Variants in ZMYM6 observed in about 807,000 individuals in gnomAD.
The protein encoded by ZMYM6 is zinc finger MYM-type containing 6, also known as zinc finger MYM-type protein 6.
ZMYM6 carries 90 observed loss-of-function variants against 134.0 expected under a neutral mutation model. The observed-to-expected ratio is 0.67, with a 90% CI of 0.57 to 0.80. The LOEUF (loss-of-function observed/expected upper bound fraction) is 0.80, where lower values mean the gene tolerates loss of function less well. Among genes scored for constraint, ZMYM6 ranks in the 30% least tolerant of loss-of-function variants. The probability of loss-of-function intolerance (pLI) is 0.00; values close to 1 mark genes in which losing one functional copy is unlikely to be tolerated. For missense variants in ZMYM6, 1,362 were observed against 1,533.9 expected, an observed-to-expected ratio of 0.89 and a Z score of 1.87; for synonymous variants, 481 against 524.1, an observed-to-expected ratio of 0.92 and a Z score of 1.12.
In ZMYM6 at chr1:35,015,096, G is replaced by C. The variant is rs1641157120; in HGVS notation, c.495C>G (p.Phe165Leu). 1 of 1,613,796 alleles carries C rather than the reference G, an allele frequency of 6.2e-7. No individual in the cohort carries two copies. Among genetic ancestry groups the C allele is most frequent in the African/African-American group, 1.3e-5 (1 of 74,910 alleles). The change falls in exon 5 of 16, where the codon TTC becomes TTG. Residue 165 changes from phenylalanine (F) to leucine (L), a missense_variant. Phe to Leu is a conservative substitution (Grantham distance 22). Coordinates refer to ENST00000357182, the MANE Select transcript of ZMYM6 (RefSeq NM_007167.4). ...AAGATGACAAGCATGATTGGCTGCA[G>C]AAATCTTTGCTAGGATAGGAATTCT... ...RFENSYPSKD[F>L]CSQSCLSSYE...
intron 3 of ZMYM6, 95 bp from the exon 4 acceptor site, chr1:35,019,697 CA>C: frequency 6.5e-6 from 9 of 1,391,160 alleles, no homozygotes; most frequent in East Asian, 2.5e-5. Context: ...TTTTCTGAGA[CA>C]CGGTCTCACT....
intron 14 of ZMYM6, among the ~76,000 whole-genome samples, chr1:34,998,892 C>A (rs1188257609): frequency 1.3e-5 from 2 of 152,036 alleles, no homozygotes; most frequent in South Asian, 2.1e-4. Context: ...GAGGCTGAGG[C>A]GGGAGGATGG....
rs759678061 is a variant in ZMYM6 at position 35,014,987 on chromosome 1, C to T, written c.603+1G>A. ...CCCAATAAAAGTAAAATGTAACTTA[C>T]ATCAGCATTCTTCTGACACATACTG... On this transcript the variant is annotated splice_donor_variant, in intron 5 of 15. Coordinates refer to ENST00000357182, the MANE Select transcript of ZMYM6 (RefSeq NM_007167.4). LOFTEE classifies it high-confidence loss of function. The T allele has an allele frequency of 1.2e-6, 2 of 1,610,426 alleles. No individual in the cohort carries two copies. Among genetic ancestry groups the T allele is most frequent in the Admixed American group, 1.7e-5 (1 of 58,554 alleles).
At chr1:35,025,803 T>TA (rs1477606760) in intron 2 of ZMYM6, among the ~76,000 whole-genome samples, 1 of 152,188 alleles carries the variant, frequency 6.6e-6, no homozygotes, top group Non-Finnish European at 1.5e-5. Flanking sequence ...AACCATTTAT[T>TA]AATTATGTGA....
intron 13 of ZMYM6, 116 bp from the exon 14 acceptor site, chr1:35,004,121 AG>A: frequency 1.2e-6 from 1 of 857,862 alleles, no homozygotes; most frequent in Non-Finnish European, 1.8e-6. Flanking sequence ...AGAGTTTCTC[AG>A]AAAAATGGTA....
rs1159029041 is a variant in ZMYM6, at chr1:34,987,508, C to G, written c.3574G>C (p.Glu1192Gln). ...DITRIIFEHL[E>Q]GLSQVFSDCF... is the part of the protein sequence containing the mutation. ...TCACTGAACACTTGAGAAAGTCCTTCCAGGTGCTCAAAAATAATCCTTGTG... is the reference window on the plus strand; with the variant it reads ...TCACTGAACACTTGAGAAAGTCCTTGCAGGTGCTCAAAAATAATCCTTGTG... The change falls in exon 16 of 16, where the codon GAA (glutamate) becomes CAA (glutamine). Residue 1192 changes from glutamate (E) to glutamine (Q), a missense_variant. By Grantham distance (29) the Glu-to-Gln change is conservative. This residue lies in a region of ZMYM6 where 824 missense variants were observed against 940.9 expected (regional missense o/e 0.88). Transcript: ENST00000357182. 5.0e-6 allele frequency: 8 copies of G among 1,612,964 alleles called. No homozygotes were observed. The highest frequency in any genetic ancestry group is 6.8e-6 in the Non-Finnish European group (8 of 1,179,484).
At position 35,024,069 on chromosome 1, in the gene ZMYM6, C is replaced by A. The variant is rs142458205; in HGVS notation, c.94-3602G>T. ...TCACGAGTCCCAACTCCACATCTTTCCTGCTCATTGATGTTTCAATTGCAC... is the reference window on the plus strand; with the variant it reads ...TCACGAGTCCCAACTCCACATCTTTACTGCTCATTGATGTTTCAATTGCAC... On this transcript the variant is annotated intron_variant, in intron 2 of 15. Coordinates refer to ENST00000357182, the MANE Select transcript of ZMYM6 (RefSeq NM_007167.4). Among the ~76,000 whole-genome samples, 148 of 152,254 alleles carry A rather than the reference C, an allele frequency of 9.7e-4. 1 individual carries two copies. Among genetic ancestry groups the A allele is most frequent in the East Asian group, 8.9e-3 (46 of 5,184 alleles).
Position 34,987,909 on chromosome 1 carries a change from C to A in ZMYM6, c.3173G>T (p.Gly1058Val). The A allele has an allele frequency of 6.4e-7, 1 of 1,551,666 alleles. No homozygotes were observed. The highest frequency in any genetic ancestry group is 8.7e-7 in the Non-Finnish European group (1 of 1,146,978). ...RMLTILCEEM[G>V]SEHVSLPLHA... ...AAGCGGTAAACTCACATGCTCAGAT[C>A]CCATCTCTTCACACAAAATTGTTAA... Residue 1058 changes from glycine to valine, a missense_variant, in exon 16 of 16, where the codon GGA (glycine) becomes GTA (valine). Around this residue, in one of 3 missense-constraint regions of ZMYM6, gnomAD observed 824 missense variants for 940.9 expected, o/e 0.88. Coordinates refer to ENST00000357182, the MANE Select transcript of ZMYM6 (RefSeq NM_007167.4).
At chr1:35,013,264 T>A in intron 6 of ZMYM6, 1 of 804,548 alleles carries the variant, frequency 1.2e-6, no homozygotes, top group Non-Finnish European at 1.5e-6. Context: ...AAGTTTAAAT[T>A]AACAGATGAG....
Position 35,010,805 on chromosome 1 carries a change from G to A in ZMYM6, c.1294C>T (p.His432Tyr). Residue 432 changes from histidine to tyrosine, a missense_variant, in exon 9 of 16, where the codon CAC (histidine) becomes TAC (tyrosine). Coordinates refer to ENST00000357182, the MANE Select transcript of ZMYM6 (RefSeq NM_007167.4). ...THTVVKLKCQ[H>Y]CNHLFATKPE... ...TTTGTGGCAAATAGATGGTTACAGT[G>A]CTGACACTTGAGTTTAACAACTGTA... is the stretch of plus-strand genomic sequence containing the variant. 1 of 1,599,674 alleles carries A rather than the reference G, an allele frequency of 6.3e-7. No homozygotes were observed.
intron 14 of ZMYM6, 25 bp from the exon 15 acceptor site, chr1:34,992,412 CAAAG>C: frequency 6.2e-7 from 1 of 1,604,120 alleles, no homozygotes; most frequent in Non-Finnish European, 8.5e-7. Flanking sequence ...ATTCAGAAAC[CAAAG>C]AAAGATTTTT....
In ZMYM6 at chr1:35,023,183, C is replaced by T. The variant is rs139919950; in HGVS notation, c.94-2716G>A. 6.0e-3 allele frequency among the ~76,000 whole-genome samples: 912 copies of T among 152,102 alleles called. 7 individuals carry two copies. The highest frequency in any genetic ancestry group is 0.021 in the African/African-American group (854 of 41,508). ...GAGTGCAATGGCGGATCTCAGCTCA[C>T]CACAACCTCCACCTCCAGGGTTCAA... On this transcript the variant is annotated intron_variant, in intron 2 of 15. Coordinates refer to ENST00000357182, the MANE Select transcript of ZMYM6 (RefSeq NM_007167.4).
chr1:35,021,480 C>T (rs1020239671), intron 2 of ZMYM6, among the ~76,000 whole-genome samples: 3 of 151,660 alleles, frequency 2.0e-5, no homozygotes, highest in African/African-American at 2.4e-5. Flanking sequence ...TCTGGCTGGG[C>T]GTGGTGGCTC....
intron 14 of ZMYM6, among the ~76,000 whole-genome samples, chr1:34,995,065 TAATA>T (rs1432134313): frequency 7.7e-6 from 1 of 129,668 alleles, no homozygotes; most frequent in African/African-American, 3.0e-5. Context: ...TATATATATG[TAATA>T]TATATACTTA....
intron 14 of ZMYM6, among the ~76,000 whole-genome samples, chr1:35,003,459 C>T (rs911917964): frequency 6.6e-6 from 1 of 152,170 alleles, no homozygotes; most frequent in African/African-American, 2.4e-5. Context: ...GCACTATTTT[C>T]AGTCTCACAT....
In ZMYM6 at chr1:34,987,349, G is replaced by T. The variant is rs1557552139; in HGVS notation, c.3733C>A (p.Gln1245Lys). ...LTELSSDLGL[Q>K]ALFKSVSVTQ... ...ACAGACACTGATTTAAATAGTGCTT[G>T]TAATCCTAAATCTGAAGATAGCTCT... Residue 1245 changes from glutamine (Q) to lysine (K), a missense_variant, in exon 16 of 16, where the codon CAA becomes AAA. This residue lies in a region of ZMYM6 where 824 missense variants were observed against 940.9 expected (regional missense o/e 0.88). Coordinates refer to ENST00000357182, the MANE Select transcript of ZMYM6 (RefSeq NM_007167.4). 6.2e-7 allele frequency: 1 copy of T among 1,613,770 alleles called. No homozygotes were observed. The highest frequency in any genetic ancestry group is 8.5e-7 in the Non-Finnish European group (1 of 1,179,908).
chr1:35,006,817 T>C (rs1640988292), intron 12 of ZMYM6, 134 bp downstream of exon 12: 1 of 941,970 alleles, frequency 1.1e-6, no homozygotes, highest in African/African-American at 1.7e-5. Context: ...AAAGACTTCT[T>C]AAAGAAAAAT....
Position 34,999,255 on chromosome 1 carries a change from A to G in ZMYM6, c.1992+4713T>C, listed in dbSNP as rs544765854. ...TGACTGTGTTAAATACAGTAAATTGACTACCAGATTTGGCAATATAAAGAC... is the reference window on the plus strand; with the variant it reads ...TGACTGTGTTAAATACAGTAAATTGGCTACCAGATTTGGCAATATAAAGAC... On this transcript the variant is annotated intron_variant, in intron 14 of 15. Transcript: ENST00000357182. 2.6e-5 allele frequency among the ~76,000 whole-genome samples: 4 copies of G among 152,312 alleles called. No individual in the cohort carries two copies. The South Asian group carries it at 8.3e-4, about 32-fold the overall frequency.
intron 4 of ZMYM6, chr1:35,018,692 G>A (rs1391826205): frequency 6.6e-6 from 1 of 152,264 alleles, no homozygotes; most frequent in Non-Finnish European, 1.5e-5. Flanking sequence ...CGAAGTCACA[G>A]AGATAAATGA....
Sources: gnomAD v4.1 joint callset for allele counts (sites outside exome capture counted in the v4.1 genomes callset) on GRCh38, gnomAD v4.1.1 for gene constraint, gnomAD v4.1.1 regional missense constraint, MANE v1.5 for transcripts, NCBI Gene and HGNC (gene_info 2026-07-23, HGNC 2026-07-21) for gene names.